Variants in DYNC2H1 observed in about 807,000 individuals in gnomAD.
The protein encoded by DYNC2H1 is dynein cytoplasmic 2 heavy chain 1, also known as cytoplasmic dynein 2 heavy chain 1.
In DYNC2H1, 410 loss-of-function variants were observed where a neutral mutation model predicts 570.0. The observed-to-expected ratio is 0.72, with a 90% CI of 0.66 to 0.78. The LOEUF is 0.78. Ranked by LOEUF, DYNC2H1 falls within the 30% of genes least tolerant of loss-of-function variation. The pLI, the probability that DYNC2H1 is intolerant of heterozygous loss-of-function variation, is 0.00. For synonymous variants in DYNC2H1, 1,688 were observed against 1,677.6 expected (o/e 1.01, Z -0.15); for missense variants, 4,865 against 5,046.4 (o/e 0.96, Z 1.09).
At chr11:103,435,032 C>CTACACCTGT (rs1262097105) in intron 84 of DYNC2H1, among the ~76,000 whole-genome samples, 1 of 152,136 alleles carries the variant, frequency 6.6e-6, no homozygotes, top group Non-Finnish European at 1.5e-5. Flanking sequence ...TTCAAAATCA[C>CTACACCTGT]TACACCTGTT....
At chr11:103,318,434 A>C (rs1937984983) in intron 80 of DYNC2H1, among the ~76,000 whole-genome samples, 1 of 152,180 alleles carries the variant, frequency 6.6e-6, no homozygotes, top group Admixed American at 6.5e-5. Context: ...TCCTGTAGTT[A>C]ACATTATATT....
At chr11:103,352,983 T>C (rs1464270519) in intron 82 of DYNC2H1, among the ~76,000 whole-genome samples, 1 of 152,124 alleles carries the variant, frequency 6.6e-6, no homozygotes, top group African/African-American at 2.4e-5. Flanking sequence ...AGAAATGAGA[T>C]CATGTCCTTT....
At chr11:103,339,717 G>T (rs147846263) in intron 82 of DYNC2H1, among the ~76,000 whole-genome samples, 2 of 152,348 alleles carry the variant, frequency 1.3e-5, no homozygotes, top group Non-Finnish European at 2.9e-5. Flanking sequence ...TCTGATGCCA[G>T]TGCAGCACTG....
chr11:103,135,764 C>T lies in DYNC2H1; in HGVS notation c.2390C>T (p.Ala797Val). ...AGGCCCCCTTTTGAAGAAATCCGGGCTAAATATTATAGAGAAATGAAGAGA... is the reference window on the plus strand; with the variant it reads ...AGGCCCCCTTTTGAAGAAATCCGGGTTAAATATTATAGAGAAATGAAGAGA... The part of the protein sequence containing the change: ...QFRPPFEEIR[A>V]KYYREMKRFI... Residue 797 changes from alanine to valine, a missense_variant, in exon 17 of 89, where the codon GCT (alanine) becomes GTT (valine). Around this residue, in one of 5 missense-constraint regions of DYNC2H1, gnomAD observed 1,936 missense variants for 1,962.1 expected, o/e 0.99. Coordinates refer to ENST00000375735, the MANE Select transcript of DYNC2H1 (RefSeq NM_001377.3). 1 of 1,611,764 alleles carries T rather than the reference C, an allele frequency of 6.2e-7. No individual in the cohort carries two copies. The highest frequency in any genetic ancestry group is 8.5e-7 in the Non-Finnish European group (1 of 1,178,858).
chr11:103,408,073 G>A (rs1461247977), intron 84 of DYNC2H1: 5 of 151,890 alleles, frequency 3.3e-5, no homozygotes, highest in Non-Finnish European at 5.9e-5. Context: ...TAAATAGGAG[G>A]CCTTTATTTA....
At chr11:103,286,926 T>C (rs1293868182) in intron 74 of DYNC2H1, among the ~76,000 whole-genome samples, 1 of 152,044 alleles carries the variant, frequency 6.6e-6, no homozygotes, top group Non-Finnish European at 1.5e-5. Context: ...GAATTCTATT[T>C]CCCCAAAAGT....
Position 103,307,826 on chromosome 11 carries a change from T to C in DYNC2H1, c.11488T>C (p.Tyr3830His). 1.9e-6 allele frequency: 3 copies of C among 1,573,722 alleles called. No individual in the cohort carries two copies. The highest frequency in any genetic ancestry group is 2.3e-5 in the South Asian group (2 of 86,680). ...ACTACAGTCAAGTCTGAAGATAACA[T>C]ATGAGGTAAGAAGATTTAAAACTTG... ...ILLQSSLKIT[Y>H]ESPPGLKKNL... is the part of the protein sequence containing the mutation. The change falls in exon 78 of 89, where the codon TAT (tyrosine) becomes CAT (histidine). Residue 3830 changes from tyrosine to histidine, a missense_variant. Physicochemically the swap from Tyr to His is moderately conservative, Grantham distance 83. Transcript: ENST00000375735.
intron 55 of DYNC2H1, among the ~76,000 whole-genome samples, chr11:103,217,424 G>A (rs1051409950): frequency 7.9e-5 from 12 of 152,108 alleles, no homozygotes; most frequent in Non-Finnish European, 1.3e-4. Flanking sequence ...GTAATATTAG[G>A]CATAGAGATC....
At chr11:103,175,998 C>G (rs995985371) in intron 36 of DYNC2H1, among the ~76,000 whole-genome samples, 1 of 151,626 alleles carries the variant, frequency 6.6e-6, no homozygotes, top group African/African-American at 2.4e-5. Flanking sequence ...GTCTTGGTAC[C>G]CTGTGATCTG....
At chr11:103,419,107 C>G (rs1943387830) in intron 84 of DYNC2H1, among the ~76,000 whole-genome samples, 1 of 150,666 alleles carries the variant, frequency 6.6e-6, no homozygotes, top group South Asian at 2.1e-4. Flanking sequence ...TCTGGCCAGC[C>G]CACAGCAACA....
In DYNC2H1 at chr11:103,175,493, G is replaced by A. The variant is rs186666099; in HGVS notation, c.5675-742G>A. Among the ~76,000 whole-genome samples the A allele has an allele frequency of 7.9e-5, 12 of 152,316 alleles. No individual in the cohort carries two copies. The East Asian group carries it at 2.1e-3, about 27-fold the overall frequency. On this transcript the variant is annotated intron_variant, in intron 36 of 88. Coordinates refer to ENST00000375735, the MANE Select transcript of DYNC2H1 (RefSeq NM_001377.3). ...CTTTAGAGAAGTCCAGACTTTTTAT[G>A]TGTACTTAAGCATGGAAATATTAAG...
intron 70 of DYNC2H1, among the ~76,000 whole-genome samples, chr11:103,271,144 G>A (rs1865694358): frequency 6.6e-6 from 1 of 151,992 alleles, no homozygotes. Context: ...AATTTAATTT[G>A]GATTCTGCTA....
intron 83 of DYNC2H1, among the ~76,000 whole-genome samples, chr11:103,389,138 T>C (rs1006543366): frequency 2.0e-5 from 3 of 152,176 alleles, no homozygotes; most frequent in Non-Finnish European, 4.4e-5. Flanking sequence ...GTCCTGGACT[T>C]TTTTTGGTTG....
chr11:103,371,636 G>C (rs916096862), intron 83 of DYNC2H1, among the ~76,000 whole-genome samples: 8 of 152,264 alleles, frequency 5.3e-5, no homozygotes, highest in Middle Eastern at 3.4e-3. Flanking sequence ...TTACAGGAGA[G>C]AGTGGCATGA....
chr11:103,111,690 C>CTT (rs955253138), intron 1 of DYNC2H1, among the ~76,000 whole-genome samples: 2 of 147,374 alleles, frequency 1.4e-5, no homozygotes, highest in Non-Finnish European at 3.0e-5. Context: ...GAAGGTAGAA[C>CTT]TTTTTTTTTT....
At chr11:103,146,879 C>G (rs558179251) in intron 18 of DYNC2H1, among the ~76,000 whole-genome samples, 34 of 152,338 alleles carry the variant, frequency 2.2e-4, no homozygotes, top group Non-Finnish European at 4.1e-4. Context: ...GCTAGGATTA[C>G]AGGCCACTGT....
intron 13 of DYNC2H1, among the ~76,000 whole-genome samples, chr11:103,132,339 T>G (rs1475448816): frequency 2.6e-5 from 4 of 151,966 alleles, no homozygotes; most frequent in Admixed American, 2.6e-4. Context: ...TTCCACCTCA[T>G]TTTTTTTATA....
chr11:103,422,193 G>A (rs1353991051), intron 84 of DYNC2H1, among the ~76,000 whole-genome samples: 2 of 152,092 alleles, frequency 1.3e-5, no homozygotes, highest in Non-Finnish European at 2.9e-5. Context: ...AATTGAGGCT[G>A]TAATAAGTAG....
chr11:103,372,343 T>G (rs1297063165), intron 83 of DYNC2H1, among the ~76,000 whole-genome samples: 1 of 152,168 alleles, frequency 6.6e-6, no homozygotes, highest in Non-Finnish European at 1.5e-5. Flanking sequence ...GATCTTAACA[T>G]TCAGTATGAT....
Sources: gnomAD v4.1 joint callset for allele counts (sites outside exome capture counted in the v4.1 genomes callset) on GRCh38, gnomAD v4.1.1 for gene constraint, gnomAD v4.1.1 regional missense constraint, MANE v1.5 for transcripts, NCBI Gene and HGNC (gene_info 2026-07-23, HGNC 2026-07-21) for gene names.